The following ELFN1 variants were observed in gnomAD, a reference collection of about 807,000 sequenced individuals.
ELFN1 encodes protein ELFN1.
In ELFN1, 6 loss-of-function variants were observed where a neutral mutation model predicts 7.6. The ratio of observed to expected loss-of-function variants is 0.79; its 90% CI spans 0.43 to 1.56. ELFN1 has a LOEUF of 1.56. ELFN1 is among the 40% of genes most tolerant of loss of function. ELFN1 has a pLI of 0.01. For missense variants in ELFN1, 1,169 were observed against 1,232.2 expected (o/e 0.95, Z 0.77); for synonymous variants, 657 against 588.1 (o/e 1.12, Z -1.70).
At chr7:1,696,988 G>C (rs952770629) in intron 2 of ELFN1, among the ~76,000 whole-genome samples, 1 of 152,234 alleles carries the variant, frequency 6.6e-6, no homozygotes, top group Non-Finnish European at 1.5e-5. Flanking sequence ...CTTTCAGTGG[G>C]GCAGGCTGGG....
intron 2 of ELFN1, among the ~76,000 whole-genome samples, chr7:1,689,249 T>A (rs934808641): frequency 1.3e-5 from 2 of 152,226 alleles, no homozygotes; most frequent in African/African-American, 4.8e-5. Flanking sequence ...GTATGTAGTG[T>A]GTATATATGT....
intron 3 of ELFN1, among the ~76,000 whole-genome samples, chr7:1,725,747 G>A (rs1780173487): frequency 6.6e-6 from 1 of 152,180 alleles, no homozygotes; most frequent in African/African-American, 2.4e-5. Context: ...GGGGCAAGTG[G>A]TAGACCCATG....
upstream of ELFN1, among the ~76,000 whole-genome samples, chr7:1,666,166 C>A (rs1778667999): frequency 4.6e-5 from 7 of 151,932 alleles, no homozygotes; most frequent in Admixed American, 4.6e-4. The surrounding 1 kb of genome is among the most constrained non-coding windows in gnomAD (Gnocchi z 7.9). Context: ...CGCACCCCGG[C>A]CCAGGTAAGA....
chr7:1,699,380 G>C (rs963323843), intron 2 of ELFN1, among the ~76,000 whole-genome samples: 8 of 152,168 alleles, frequency 5.3e-5, no homozygotes, highest in Non-Finnish European at 8.8e-5. Flanking sequence ...GCTCACACCT[G>C]TAATCCCAGC....
chr7:1,676,066 C>A (rs1487284898), intron 1 of ELFN1, among the ~76,000 whole-genome samples: 1 of 152,202 alleles, frequency 6.6e-6, no homozygotes, highest in Non-Finnish European at 1.5e-5. Context: ...GGGATGCTTC[C>A]CGGACATGTC....
chr7:1,688,644 C>T (rs1358612615), intron 2 of ELFN1, among the ~76,000 whole-genome samples: 2 of 152,160 alleles, frequency 1.3e-5, no homozygotes, highest in Non-Finnish European at 2.9e-5. Context: ...TATTTTAAGA[C>T]AATTGTACAG....
intron 3 of ELFN1, among the ~76,000 whole-genome samples, chr7:1,729,064 C>T (rs1166883825): frequency 1.3e-5 from 2 of 152,330 alleles, no homozygotes; most frequent in African/African-American, 4.8e-5. Flanking sequence ...CCCAGCTCCT[C>T]CTGCCCCGCG....
intron 2 of ELFN1, among the ~76,000 whole-genome samples, chr7:1,694,821 A>G (rs1237707084): frequency 6.6e-6 from 1 of 152,200 alleles, no homozygotes; most frequent in Non-Finnish European, 1.5e-5. Context: ...TGCATTCGAG[A>G]CCACCTGTCA....
chr7:1,674,640 C>G (rs150347167), intron 1 of ELFN1, among the ~76,000 whole-genome samples: 13 of 152,220 alleles, frequency 8.5e-5, no homozygotes, highest in Non-Finnish European at 1.2e-4. Flanking sequence ...GTGACCCCCC[C>G]GCCCTCGACG....
At chr7:1,697,350 C>T (rs1367872996) in intron 2 of ELFN1, among the ~76,000 whole-genome samples, 2 of 152,224 alleles carry the variant, frequency 1.3e-5, no homozygotes, top group Non-Finnish European at 2.9e-5. Context: ...CCCCCTCCTC[C>T]ACGGGGATAT....
At chr7:1,674,120 GAGTC>G (rs1215173782) in intron 1 of ELFN1, among the ~76,000 whole-genome samples, 5 of 151,560 alleles carry the variant, frequency 3.3e-5, no homozygotes, top group Non-Finnish European at 7.4e-5. Flanking sequence ...TGGGGAAACT[GAGTC>G]AGGCAGAGAG....
In ELFN1 at chr7:1,695,624, G is replaced by A. The variant is rs568517964; in HGVS notation, c.-456+7474G>A. ...TAGCCGGGCGTTGTGGTGGACACCTGTAATCCCAGTTACTTGGGAGGCTGA... is the reference window on the plus strand; with the variant it reads ...TAGCCGGGCGTTGTGGTGGACACCTATAATCCCAGTTACTTGGGAGGCTGA... On this transcript the variant is annotated intron_variant, in intron 2 of 3. Transcript: ENST00000424383. This position sits in a 1 kb window ranked among gnomAD's most constrained non-coding sequence, Gnocchi z 5.1. Among the ~76,000 whole-genome samples, 8 of 152,016 alleles carry A rather than the reference G, an allele frequency of 5.3e-5. No homozygotes were observed. The South Asian group carries it at 1.7e-3, about 32-fold the overall frequency.
intron 2 of ELFN1, among the ~76,000 whole-genome samples, chr7:1,708,828 G>A (rs2128587371): frequency 6.6e-6 from 1 of 152,302 alleles, no homozygotes; most frequent in African/African-American, 2.4e-5. Flanking sequence ...CCCTCGGTCT[G>A]CAGTTCAGTT....
At chr7:1,715,915 C>T (rs993240680) in intron 3 of ELFN1, among the ~76,000 whole-genome samples, 5 of 152,286 alleles carry the variant, frequency 3.3e-5, no homozygotes, top group South Asian at 2.1e-4. Flanking sequence ...ACCCTACCCC[C>T]GACTTTGAAC....
chr7:1,677,775 T>G (rs1182379828), intron 1 of ELFN1, among the ~76,000 whole-genome samples: 1 of 152,026 alleles, frequency 6.6e-6, no homozygotes, highest in Non-Finnish European at 1.5e-5. Flanking sequence ...TGTTGTCTGC[T>G]TTTTCTTTTT....
In ELFN1 at chr7:1,723,810, C is replaced by T. The variant is rs150782628; in HGVS notation, c.-294+14558C>T. On this transcript the variant is annotated intron_variant, in intron 3 of 3. Transcript: ENST00000424383. ...GGAGTGGCCACATGCAGTGCCTGCACGGGGTTGGGGAGCCTTCTGCTATAG... is the reference window on the plus strand; with the variant it reads ...GGAGTGGCCACATGCAGTGCCTGCATGGGGTTGGGGAGCCTTCTGCTATAG... Among the ~76,000 whole-genome samples, 461 of 152,358 alleles carry T rather than the reference C, an allele frequency of 3.0e-3. 2 individuals carry two copies. The highest frequency in any genetic ancestry group is 0.01 in the African/African-American group (431 of 41,592).
intron 2 of ELFN1, among the ~76,000 whole-genome samples, chr7:1,688,354 TCTC>T (rs1779096661): frequency 6.6e-6 from 1 of 152,212 alleles, no homozygotes; most frequent in South Asian, 2.1e-4. Flanking sequence ...TTACTCAAGT[TCTC>T]CTCCATGGTT....
Position 1,695,697 on chromosome 7 carries a change from G to A in ELFN1, c.-456+7547G>A, listed in dbSNP as rs969032086. Among the ~76,000 whole-genome samples the A allele has an allele frequency of 8.6e-5, 12 of 139,176 alleles. No individual in the cohort carries two copies. The highest frequency in any genetic ancestry group is 5.5e-4 in the Admixed American group (7 of 12,718). The allele number at this position is 139,176 out of a possible 152,430, so 91.3% of individuals were successfully genotyped here. A position where few individuals can be genotyped will look rare whatever the true frequency, so the allele number is the denominator to read the frequency against. On this transcript the variant is annotated intron_variant, in intron 2 of 3. Transcript: ENST00000424383. The surrounding 1 kb of genome is among the most constrained non-coding windows in gnomAD (Gnocchi z 5.1). ...CAGGAGGTGGAGGTTGCAGTGAGCCGAGATCGCGCCACTGCACTGCAGCCT... is the reference window on the plus strand; with the variant it reads ...CAGGAGGTGGAGGTTGCAGTGAGCCAAGATCGCGCCACTGCACTGCAGCCT...
At chr7:1,704,612 G>A (rs540989882) in intron 2 of ELFN1, among the ~76,000 whole-genome samples, 2 of 152,172 alleles carry the variant, frequency 1.3e-5, no homozygotes, top group South Asian at 2.1e-4. Context: ...GGGGTCCTGA[G>A]TGTGACCTGG....
Sources: allele counts gnomAD v4.1 joint callset (sites outside exome capture counted in the v4.1 genomes callset), GRCh38; gene constraint gnomAD v4.1.1; non-coding constraint Gnocchi (gnomAD v3.1); transcripts MANE v1.5; gene names NCBI Gene and HGNC (gene_info 2026-07-23, HGNC 2026-07-21).